The following APBA2 variants were observed in gnomAD, a reference collection of about 807,000 sequenced individuals.
The protein encoded by APBA2 is amyloid beta precursor protein binding family A member 2, also known as amyloid-beta A4 precursor protein-binding family A member 2.
Under a neutral mutation model 75.0 loss-of-function variants are expected in APBA2, and 30 were observed. The ratio of observed to expected loss-of-function variants is 0.40; its 90% confidence interval spans 0.30 to 0.54. APBA2 has a LOEUF of 0.54. Among genes scored for constraint, APBA2 ranks in the 20% least tolerant of loss-of-function variants. APBA2 has a pLI of 0.49. For synonymous variants in APBA2, 444 were observed against 409.6 expected (o/e 1.08, Z -1.01); for missense variants, 801 against 1,016.1 (o/e 0.79, Z 2.88).
At chr15:29,040,638 G>A (rs542627595) in intron 3 of APBA2, among the ~76,000 whole-genome samples, 3 of 152,338 alleles carry the variant, frequency 2.0e-5, no homozygotes, top group South Asian at 4.1e-4. Context: ...GGGAACCAGA[G>A]CTTGTGTTCT....
chr15:28,911,581 T>TAA (rs2033431431), intron 1 of APBA2, among the ~76,000 whole-genome samples: 1 of 152,236 alleles, frequency 6.6e-6, no homozygotes, highest in South Asian at 2.1e-4. Context: ...TGTGTTCTTT[T>TAA]TCTTTGTTCA....
chr15:29,059,088 T>G (rs1347137889), intron 4 of APBA2, among the ~76,000 whole-genome samples: 1 of 152,216 alleles, frequency 6.6e-6, no homozygotes, highest in Non-Finnish European at 1.5e-5. Flanking sequence ...GGGGAAGAAT[T>G]TGAGTCACCC....
intron 2 of APBA2, among the ~76,000 whole-genome samples, chr15:28,973,439 G>T (rs926275355): frequency 3.9e-5 from 6 of 152,274 alleles, no homozygotes; most frequent in Middle Eastern, 3.4e-3. Context: ...TACAGATCCA[G>T]TTAAGGAAAT....
intron 3 of APBA2, among the ~76,000 whole-genome samples, chr15:28,996,097 C>G (rs527737631): frequency 6.6e-6 from 1 of 152,160 alleles, no homozygotes; most frequent in Non-Finnish European, 1.5e-5. Context: ...CCCATCTGTC[C>G]TCTCCTCATT....
At chr15:28,892,378 G>A (rs1320609824) in intron 1 of APBA2, among the ~76,000 whole-genome samples, 2 of 152,156 alleles carry the variant, frequency 1.3e-5, no homozygotes, top group Admixed American at 6.5e-5. Flanking sequence ...CCTGGCCCAT[G>A]TTTTATCTTT....
rs765271124 is a variant in APBA2, at chr15:29,053,931, A to T, written c.47A>T (p.His16Leu). 2 of 1,613,740 alleles carry T rather than the reference A, an allele frequency of 1.2e-6. No homozygotes were observed. Among genetic ancestry groups the T allele is most frequent in the African/African-American group, 2.7e-5 (2 of 74,850 alleles). The change falls in exon 4 of 15, where the codon CAT becomes CTT. Residue 16 changes from histidine (H) to leucine (L), a missense_variant. Physicochemically the swap from His to Leu is moderately conservative, Grantham distance 99 (BLOSUM62 -3). Transcript: ENST00000683413. ...AGCGTGGGGAGCGGCATGTTGGACCATAGGGTGAGACCAGGTCCTGTCCCT... is the reference window on the plus strand; with the variant it reads ...AGCGTGGGGAGCGGCATGTTGGACCTTAGGGTGAGACCAGGTCCTGTCCCT... ...LESVGSGMLD[H>L]RVRPGPVPHS...
At chr15:29,076,008 C>G (rs1264521497) in intron 5 of APBA2, 47 bp from the exon 6 acceptor site, 4 of 1,565,486 alleles carry the variant, frequency 2.6e-6, no homozygotes, top group Non-Finnish European at 3.5e-6. Context: ...TGTGGGCTAC[C>G]TACTTAACAA....
At chr15:28,898,142 C>T (rs763144359) in intron 1 of APBA2, among the ~76,000 whole-genome samples, 9 of 152,180 alleles carry the variant, frequency 5.9e-5, no homozygotes, top group Admixed American at 2.0e-4. Flanking sequence ...CTGCCAACAG[C>T]TTGATTTCAG....
intron 4 of APBA2, among the ~76,000 whole-genome samples, chr15:29,061,879 CAA>C (rs2042142550): frequency 6.6e-6 from 1 of 152,212 alleles, no homozygotes; most frequent in African/African-American, 2.4e-5. Flanking sequence ...AGGACTGAGA[CAA>C]GAGTGGCATG....
intron 4 of APBA2, among the ~76,000 whole-genome samples, chr15:29,073,459 T>G (rs1170465166): frequency 6.6e-6 from 1 of 152,208 alleles, no homozygotes; most frequent in Non-Finnish European, 1.5e-5. Context: ...CAAGTGATTC[T>G]CCTGCCTCAG....
intron 1 of APBA2, among the ~76,000 whole-genome samples, chr15:28,900,915 G>A (rs2152630032): frequency 6.6e-6 from 1 of 152,274 alleles, no homozygotes; most frequent in Admixed American, 6.5e-5. Flanking sequence ...CATGCATGCG[G>A]CCCACTGCCC....
intron 1 of APBA2, among the ~76,000 whole-genome samples, chr15:28,914,720 C>T (rs2033586502): frequency 6.6e-6 from 1 of 151,992 alleles, no homozygotes; most frequent in Non-Finnish European, 1.5e-5. Flanking sequence ...CCTGATCAGC[C>T]CCTTTGTGAG....
At chr15:29,080,792 G>T (rs1357446732) in intron 6 of APBA2, among the ~76,000 whole-genome samples, 1 of 152,194 alleles carries the variant, frequency 6.6e-6, no homozygotes, top group African/African-American at 2.4e-5. Context: ...AAAGGCTGAT[G>T]TTAGTCCCAA....
chr15:28,967,149 A>G (rs2036781107), intron 2 of APBA2, among the ~76,000 whole-genome samples: 1 of 152,120 alleles, frequency 6.6e-6, no homozygotes, highest in Admixed American at 6.5e-5. Flanking sequence ...TCCTGAGAAT[A>G]TCTTAATTTC....
chr15:28,942,866 C>T (rs987071094), intron 2 of APBA2, among the ~76,000 whole-genome samples: 2 of 152,156 alleles, frequency 1.3e-5, no homozygotes, highest in Non-Finnish European at 2.9e-5. Flanking sequence ...GCTGGGCCTG[C>T]GTTGTCCCCG....
chr15:28,955,844 T>C (rs985712423), intron 2 of APBA2, among the ~76,000 whole-genome samples: 1 of 152,112 alleles, frequency 6.6e-6, no homozygotes, highest in East Asian at 1.9e-4. Context: ...TTGCACTGGG[T>C]GTGTTGGGGC....
chr15:28,940,356 CAAAAAAA>C (rs398043111), intron 2 of APBA2, among the ~76,000 whole-genome samples: 12 of 38,450 alleles, frequency 3.1e-4, no homozygotes, highest in South Asian at 1.0e-3. Context: ...ACTAAAAATA[CAAAAAAA>C]AAAAAAAAAA....
chr15:29,038,077 C>T (rs754962414), intron 3 of APBA2, among the ~76,000 whole-genome samples: 4 of 152,226 alleles, frequency 2.6e-5, no homozygotes, highest in African/African-American at 4.8e-5. Flanking sequence ...AGTCCACTCT[C>T]TGGCTGGCAC....
chr15:28,984,001 T>C (rs1485390005), intron 2 of APBA2, among the ~76,000 whole-genome samples: 2 of 152,108 alleles, frequency 1.3e-5, no homozygotes, highest in Non-Finnish European at 2.9e-5. Context: ...GGCTAATGAG[T>C]GTCCTCTCTG....
Sources: gnomAD v4.1 joint callset for allele counts (sites outside exome capture counted in the v4.1 genomes callset) on GRCh38, gnomAD v4.1.1 for gene constraint, MANE v1.5 for transcripts, NCBI Gene and HGNC (gene_info 2026-07-23, HGNC 2026-07-21) for gene names.